The following FMN2 variants were observed in gnomAD, a reference collection of about 807,000 sequenced individuals.
FMN2 encodes formin-2.
FMN2 carries 51 observed loss-of-function variants against 142.3 expected under a neutral mutation model. The observed-to-expected ratio is 0.36, with a 90% CI of 0.29 to 0.45. FMN2 has a LOEUF of 0.45. Among genes scored for constraint, FMN2 ranks in the 20% least tolerant of loss-of-function variants. The pLI, the probability that FMN2 is intolerant of heterozygous loss-of-function variation, is 1.00. For synonymous variants in FMN2, 882 were observed against 869.8 expected, an observed-to-expected ratio of 1.01 and a Z score of -0.25; for missense variants, 1,936 against 2,122.8, an observed-to-expected ratio of 0.91 and a Z score of 1.73.
chr1:240,207,549 C>T lies in FMN2; in HGVS notation c.2737C>T (p.Pro913Ser). The change falls in exon 5 of 18, where the codon CCT becomes TCT. Residue 913 changes from proline to serine, a missense_variant. Pro to Ser is a moderately conservative substitution (Grantham distance 74, BLOSUM62 -1). This residue lies in a region of FMN2 where 478 missense variants were observed against 462.8 expected (regional missense o/e 1.03). Transcript: ENST00000319653. ...TACAGAAATGCTGCCACCCCCTCCC[C>T]CTCCTCTTCCCGGAGCGGGCATACC... is the stretch of plus-strand genomic sequence containing the variant. ...QGTEMLPPPP[P>S]PLPGAGIPPP... is the part of the protein sequence containing the mutation. 1.2e-6 allele frequency: 2 copies of T among 1,612,934 alleles called. No individual in the cohort carries two copies. Among genetic ancestry groups the T allele is most frequent in the South Asian group, 1.1e-5 (1 of 91,018 alleles).
intron 6 of FMN2, among the ~76,000 whole-genome samples, chr1:240,215,131 T>C (rs1405686058): frequency 6.6e-6 from 1 of 152,156 alleles, no homozygotes; most frequent in Non-Finnish European, 1.5e-5. Context: ...GGGAGTGATT[T>C]TGATAATAAG....
At position 240,134,018 on chromosome 1, in the gene FMN2, A is replaced by G. The variant is rs191725601; in HGVS notation, c.1782+10673A>G. ...GGTGAAAACATTTACCCAAGGTCAC[A>G]TTAAAATTTTTCATGTCTAATAATC... is the stretch of plus-strand genomic sequence containing the variant. On this transcript the variant is annotated intron_variant, in intron 2 of 17. Transcript: ENST00000319653. Among the ~76,000 whole-genome samples the G allele has an allele frequency of 5.2e-3, 786 of 152,360 alleles. 3 individuals are homozygous for G. Among genetic ancestry groups the G allele is most frequent in the South Asian group, 0.031 (151 of 4,830 alleles).
At chr1:240,348,552 A>G (rs1671993927) in intron 13 of FMN2, among the ~76,000 whole-genome samples, 1 of 150,978 alleles carries the variant, frequency 6.6e-6, no homozygotes, top group South Asian at 2.1e-4. Flanking sequence ...ACTTTTTAAG[A>G]AAAGCCATTC....
chr1:240,360,422 G>A lies in FMN2; in HGVS notation c.4858+4514G>A, dbSNP rs73126272. Among the ~76,000 whole-genome samples the A allele has an allele frequency of 9.0e-3, 1,368 of 152,248 alleles. 26 individuals are homozygous for A. The highest frequency in any genetic ancestry group is 0.03 in the African/African-American group (1,266 of 41,532). Reference sequence around the variant, plus strand: ...ATTAAAGGCAGATCTTTACCCACATGCTCTGGACCTGATACTTCTATTTTT... The same window carrying A: ...ATTAAAGGCAGATCTTTACCCACATACTCTGGACCTGATACTTCTATTTTT... On this transcript the variant is annotated intron_variant, in intron 14 of 17. Transcript: ENST00000319653.
chr1:240,196,056 T>C (rs1363485282), intron 4 of FMN2, among the ~76,000 whole-genome samples: 2 of 152,208 alleles, frequency 1.3e-5, no homozygotes, highest in African/African-American at 2.4e-5. Context: ...AATATCCTTT[T>C]GCAGTAGGCA....
chr1:240,369,985 C>T (rs987800059), intron 14 of FMN2, among the ~76,000 whole-genome samples: 1 of 152,008 alleles, frequency 6.6e-6, no homozygotes, highest in Admixed American at 6.6e-5. Flanking sequence ...GATGCATTTC[C>T]TTAATGCCTG....
chr1:240,454,341 A>G (rs1360652479), intron 16 of FMN2, among the ~76,000 whole-genome samples: 1 of 152,170 alleles, frequency 6.6e-6, no homozygotes, highest in African/African-American at 2.4e-5. Context: ...CAGGAGTTCA[A>G]GACCAGCCTG....
rs185001748 is a variant in FMN2 at position 240,377,447 on chromosome 1, C to A, written c.4859-15064C>A. Among the ~76,000 whole-genome samples, 945 of 152,160 alleles carry A rather than the reference C, an allele frequency of 6.2e-3. 9 individuals carry two copies. The highest frequency in any genetic ancestry group is 0.021 in the African/African-American group (863 of 41,516). On this transcript the variant is annotated intron_variant, in intron 14 of 17. Coordinates refer to ENST00000319653, the MANE Select transcript of FMN2 (RefSeq NM_020066.5). ...ACAAACTTCATAGCTTAAAACAATA[C>A]AAATAATAAATTTGTAATTTCTTCA... is the stretch of plus-strand genomic sequence containing the variant.
At chr1:240,377,882 A>G (rs903253701) in intron 14 of FMN2, among the ~76,000 whole-genome samples, 3 of 152,062 alleles carry the variant, frequency 2.0e-5, no homozygotes, top group African/African-American at 7.2e-5. Flanking sequence ...TTATTATATT[A>G]TATTCCCATG....
chr1:240,268,060 T>C (rs1668876927), intron 7 of FMN2, among the ~76,000 whole-genome samples: 1 of 152,028 alleles, frequency 6.6e-6, no homozygotes, highest in Non-Finnish European at 1.5e-5. Flanking sequence ...GTTCAGCCAC[T>C]GTGGAGAACA....
intron 2 of FMN2, among the ~76,000 whole-genome samples, chr1:240,139,186 A>G (rs1435741793): frequency 6.6e-6 from 1 of 152,184 alleles, no homozygotes; most frequent in African/African-American, 2.4e-5. Context: ...TTGCTCATGT[A>G]AAGGTAAGGG....
At chr1:240,172,266 T>C (rs1417888911) in intron 2 of FMN2, among the ~76,000 whole-genome samples, 4 of 152,086 alleles carry the variant, frequency 2.6e-5, no homozygotes, top group African/African-American at 9.7e-5. Context: ...GGGCAATTGT[T>C]AATTGAATGC....
Position 240,159,923 on chromosome 1 carries a change from A to T in FMN2, c.1783-17998A>T, listed in dbSNP as rs375278114. 7.0e-3 allele frequency among the ~76,000 whole-genome samples: 908 copies of T among 129,200 alleles called. 10 individuals are homozygous for T. The highest frequency in any genetic ancestry group is 0.02 in the African/African-American group (593 of 30,098). 84.8% of individuals were successfully genotyped at this position (129,200 alleles called of 152,430 possible). ...TATCTGTGTATATATATATATATAT[A>T]TATATATATTTGTGTATATATATAT... On this transcript the variant is annotated intron_variant, in intron 2 of 17. Coordinates refer to ENST00000319653, the MANE Select transcript of FMN2 (RefSeq NM_020066.5).
intron 16 of FMN2, among the ~76,000 whole-genome samples, chr1:240,454,055 T>G (rs959926529): frequency 1.1e-4 from 17 of 152,032 alleles, no homozygotes; most frequent in Non-Finnish European, 1.6e-4. Flanking sequence ...TAAAAGTCAC[T>G]GGAAATAACT....
chr1:240,242,007 G>A (rs900830171), intron 6 of FMN2, among the ~76,000 whole-genome samples: 7 of 151,690 alleles, frequency 4.6e-5, no homozygotes, highest in South Asian at 2.1e-4. Context: ...CACCACGCCC[G>A]GCTAATTTTT....
At chr1:240,460,334 G>A (rs796245092) in intron 16 of FMN2, among the ~76,000 whole-genome samples, 9 of 152,330 alleles carry the variant, frequency 5.9e-5, no homozygotes, top group African/African-American at 2.2e-4. Context: ...GCTCGTGCCT[G>A]TAACACCAGC....
intron 6 of FMN2, among the ~76,000 whole-genome samples, chr1:240,254,720 C>A (rs1201052609): frequency 1.3e-5 from 2 of 152,122 alleles, no homozygotes; most frequent in African/African-American, 4.8e-5. Context: ...GTGCCCCATC[C>A]TCAGGGTGCT....
chr1:240,313,744 G>T (rs1670669834), intron 8 of FMN2, among the ~76,000 whole-genome samples: 1 of 152,122 alleles, frequency 6.6e-6, no homozygotes, highest in African/African-American at 2.4e-5. Flanking sequence ...GAGGCAGGTG[G>T]ATCACTTGAG....
Position 240,449,877 on chromosome 1 carries a change from C to T in FMN2, c.5060+11667C>T, listed in dbSNP as rs1675946612. Among the ~76,000 whole-genome samples, 4 of 152,004 alleles carry T rather than the reference C, an allele frequency of 2.6e-5. No individual in the cohort carries two copies. The South Asian group carries it at 6.3e-4, about 24-fold the overall frequency. On this transcript the variant is annotated intron_variant, in intron 16 of 17. Transcript: ENST00000319653. ...TTGTTAAGTACTTATCACAATTAAG[C>T]GTTAATATATCCATTAACTTTTTGC...
Sources: allele counts gnomAD v4.1 joint callset (sites outside exome capture counted in the v4.1 genomes callset), GRCh38; gene constraint gnomAD v4.1.1; regional missense constraint gnomAD v4.1.1; transcripts MANE v1.5; gene names NCBI Gene and HGNC (gene_info 2026-07-23, HGNC 2026-07-21).